The following ALK variants were observed in gnomAD, a reference collection of about 807,000 sequenced individuals.
ALK encodes ALK tyrosine kinase receptor.
Under a neutral mutation model 163.1 loss-of-function variants are expected in ALK, and 74 were observed. The observed-to-expected ratio is 0.45, with a 90% CI of 0.38 to 0.55. ALK has a LOEUF of 0.55. Ranked by LOEUF, ALK falls within the 20% of genes least tolerant of loss-of-function variation. The pLI is 0.00. For missense variants in ALK, 2,063 were observed against 2,105.3 expected, an observed-to-expected ratio of 0.98 and a Z score of 0.39; for synonymous variants, 960 against 843.2, an observed-to-expected ratio of 1.14 and a Z score of -2.40.
intron 1 of ALK, among the ~76,000 whole-genome samples, chr2:29,820,311 G>A (rs1319820226): frequency 1.3e-5 from 2 of 152,128 alleles, no homozygotes; most frequent in East Asian, 3.9e-4. Context: ...GAGCCATTAT[G>A]GAAGCAGATT....
At chr2:29,715,795 T>C (rs1406703624) in intron 2 of ALK, among the ~76,000 whole-genome samples, 1 of 152,248 alleles carries the variant, frequency 6.6e-6, no homozygotes, top group Non-Finnish European at 1.5e-5. Flanking sequence ...TATAGATACT[T>C]GCCCTTATCA....
intron 4 of ALK, among the ~76,000 whole-genome samples, chr2:29,493,588 T>C (rs1671954343): frequency 6.6e-6 from 1 of 152,218 alleles, no homozygotes. Context: ...GAACACTGGC[T>C]TTCAAAACAA....
chr2:29,377,697 T>C (rs1227891576), intron 5 of ALK, among the ~76,000 whole-genome samples: 1 of 152,166 alleles, frequency 6.6e-6, no homozygotes, highest in Non-Finnish European at 1.5e-5. Context: ...TTGAAGAGAG[T>C]TCAAACACCC....
chr2:29,592,773 AAG>A (rs1347480843), intron 3 of ALK, among the ~76,000 whole-genome samples: 1 of 152,102 alleles, frequency 6.6e-6, no homozygotes, highest in East Asian at 1.9e-4. Context: ...TGTAAATCCA[AAG>A]AGAGGCAGGA....
chr2:29,554,264 A>G (rs76689335), intron 3 of ALK, among the ~76,000 whole-genome samples: 2,310 of 152,330 alleles, frequency 0.015, 62 homozygotes, highest in African/African-American at 0.053. Flanking sequence ...AAACCTTTGT[A>G]AAGAGTCACT....
intron 4 of ALK, among the ~76,000 whole-genome samples, chr2:29,413,109 T>C (rs547160176): frequency 9.2e-5 from 14 of 152,268 alleles, no homozygotes; most frequent in African/African-American, 2.6e-4. Context: ...ATGCGGCCTG[T>C]TACTGGCAAC....
At position 29,676,329 on chromosome 2, in the gene ALK, C is replaced by G. The variant is rs141973812; in HGVS notation, c.952+18521G>C. 4.6e-3 allele frequency among the ~76,000 whole-genome samples: 698 copies of G among 152,150 alleles called. 4 individuals carry two copies. Among genetic ancestry groups the G allele is most frequent in the African/African-American group, 0.016 (663 of 41,548 alleles). ...CATTTTCTTGGGTAGAAACTGTATA[C>G]TTTTGGCTCTTAAATTCTGAGTTAA... On this transcript the variant is annotated intron_variant, in intron 3 of 28. Transcript: ENST00000389048.
chr2:29,594,173 AC>A (rs1386609079), intron 3 of ALK, among the ~76,000 whole-genome samples: 1 of 152,182 alleles, frequency 6.6e-6, no homozygotes, highest in Non-Finnish European at 1.5e-5. Flanking sequence ...TGAATTAACT[AC>A]ATTATATTTT....
intron 4 of ALK, among the ~76,000 whole-genome samples, chr2:29,445,081 T>C (rs907819533): frequency 1.3e-5 from 2 of 152,204 alleles, no homozygotes; most frequent in Non-Finnish European, 2.9e-5. Flanking sequence ...CTACTTCCCA[T>C]TGTGTGTCTC....
At chr2:29,485,411 A>C (rs1671755565) in intron 4 of ALK, among the ~76,000 whole-genome samples, 1 of 152,192 alleles carries the variant, frequency 6.6e-6, no homozygotes, top group Non-Finnish European at 1.5e-5. Flanking sequence ...GTTCTTTTCC[A>C]TATCTACCTG....
At position 29,669,546 on chromosome 2, in the gene ALK, C is replaced by A. The variant is rs137901723; in HGVS notation, c.952+25304G>T. ...ATATAGCTGAATTTTATTTCTTTAT[C>A]CATTCAGCCACTCTATGCCTTTTAA... On this transcript the variant is annotated intron_variant, in intron 3 of 28. Transcript: ENST00000389048. Among the ~76,000 whole-genome samples, 1,210 of 152,022 alleles carry A rather than the reference C, an allele frequency of 8.0e-3. 10 individuals are homozygous for A. The highest frequency in any genetic ancestry group is 0.028 in the African/African-American group (1,146 of 41,496).
chr2:29,411,229 G>A (rs1573330155), intron 4 of ALK, among the ~76,000 whole-genome samples: 4 of 152,224 alleles, frequency 2.6e-5, no homozygotes, highest in Admixed American at 6.5e-5. Flanking sequence ...GTCTTCAGGG[G>A]CAATAACATG....
intron 3 of ALK, among the ~76,000 whole-genome samples, chr2:29,686,676 C>T (rs113294543): frequency 6.6e-6 from 1 of 152,158 alleles, no homozygotes; most frequent in African/African-American, 2.4e-5. Flanking sequence ...CCCTATCTCC[C>T]TGTGGGCAGA....
intron 3 of ALK, among the ~76,000 whole-genome samples, chr2:29,613,180 A>C (rs1403116658): frequency 6.6e-6 from 1 of 152,184 alleles, no homozygotes; most frequent in African/African-American, 2.4e-5. Flanking sequence ...CTGTAAATAA[A>C]CCTAAAAAAC....
intron 1 of ALK, among the ~76,000 whole-genome samples, chr2:29,740,764 G>A (rs1424554741): frequency 6.6e-6 from 1 of 152,194 alleles, no homozygotes; most frequent in African/African-American, 2.4e-5. Context: ...CACTTTGGGA[G>A]GCCAAGGTGG....
chr2:29,291,126 G>A (rs974873699), intron 9 of ALK, among the ~76,000 whole-genome samples: 9 of 152,190 alleles, frequency 5.9e-5, no homozygotes, highest in Non-Finnish European at 1.0e-4. Context: ...AGTTTGGGAG[G>A]CCCAGGCAAG....
At chr2:29,216,183 T>C (rs1343901912) in intron 23 of ALK, among the ~76,000 whole-genome samples, 2 of 152,122 alleles carry the variant, frequency 1.3e-5, no homozygotes, top group Non-Finnish European at 2.9e-5. Context: ...GCCGCTGGAG[T>C]GCAGCACTTC....
At chr2:29,724,738 A>G (rs1301440841) in intron 1 of ALK, among the ~76,000 whole-genome samples, 3 of 152,104 alleles carry the variant, frequency 2.0e-5, no homozygotes, top group South Asian at 2.1e-4. Context: ...TTGTTTCTCT[A>G]TGGTTTGCTT....
chr2:29,891,446 T>C (rs894088768), intron 1 of ALK, among the ~76,000 whole-genome samples: 4 of 152,198 alleles, frequency 2.6e-5, no homozygotes, highest in Admixed American at 2.6e-4. Context: ...ACATAACACT[T>C]ATCTGCATTA....
Sources: gnomAD v4.1 joint callset for allele counts (sites outside exome capture counted in the v4.1 genomes callset) on GRCh38, gnomAD v4.1.1 for gene constraint, MANE v1.5 for transcripts, NCBI Gene and HGNC (gene_info 2026-07-23, HGNC 2026-07-21) for gene names.